Variants in CAPN9 observed in about 807,000 individuals in gnomAD.
CAPN9 encodes calpain 9.
A neutral mutation model predicts 92.8 loss-of-function variants in CAPN9; 81 were observed. The observed-to-expected ratio is 0.87, with a 90% CI of 0.73 to 1.05. The LOEUF (loss-of-function observed/expected upper bound fraction) is 1.05, where lower values mean the gene tolerates loss of function less well. CAPN9 is among the 50% of genes least tolerant of loss of function. The probability of loss-of-function intolerance (pLI) is 0.00; values close to 1 mark genes in which losing one functional copy is unlikely to be tolerated. For missense variants in CAPN9, 848 were observed against 866.2 expected (o/e 0.98, Z 0.26); for synonymous variants, 304 against 328.0 (o/e 0.93, Z 0.79).
chr1:230,773,135 G>A (rs558110999), intron 7 of CAPN9, among the ~76,000 whole-genome samples: 2 of 152,188 alleles, frequency 1.3e-5, no homozygotes, highest in African/African-American at 2.4e-5. Flanking sequence ...TGGTGCAGCC[G>A]CTGCTGTATT....
At chr1:230,769,977 C>T (rs4847017) in intron 6 of CAPN9, among the ~76,000 whole-genome samples, 41,582 of 151,932 alleles carry the variant, frequency 0.27, 6,151 homozygotes, top group Non-Finnish European at 0.34. Context: ...TGGTTCTTTA[C>T]GTTATCGATA....
intron 17 of CAPN9, among the ~76,000 whole-genome samples, chr1:230,794,158 G>T (rs1479017887): frequency 6.6e-6 from 1 of 152,114 alleles, no homozygotes; most frequent in Non-Finnish European, 1.5e-5. Flanking sequence ...ATGAAAGGGG[G>T]AAAGAAATCA....
chr1:230,775,635 C>T (rs2102883039), intron 8 of CAPN9, among the ~76,000 whole-genome samples: 1 of 152,132 alleles, frequency 6.6e-6, no homozygotes, highest in East Asian at 1.9e-4. Flanking sequence ...TAAAATACAA[C>T]AGCAGGGCAC....
chr1:230,772,088 G>C lies in CAPN9; in HGVS notation c.864G>C (p.Ser288=). 1 of 1,614,140 alleles carries C rather than the reference G, an allele frequency of 6.2e-7. No individual in the cohort carries two copies. Among genetic ancestry groups the C allele is most frequent in the Non-Finnish European group, 8.5e-7 (1 of 1,179,970 alleles). ...NPWGQVEWNG[S]WSDSSPEWRS... ...GGGGCCAGGTTGAGTGGAACGGGTC[G>C]TGGAGCGACAGGTCAGTCACCCTAT... The change falls in exon 7 of 20, where the codon TCG becomes TCC. Residue 288 remains serine, a synonymous_variant. Transcript: ENST00000271971.
chr1:230,778,060 G>A (rs1349209768), intron 8 of CAPN9, among the ~76,000 whole-genome samples: 2 of 152,062 alleles, frequency 1.3e-5, no homozygotes, highest in Non-Finnish European at 1.5e-5. Flanking sequence ...CTCCTTGAAT[G>A]TATAATAGAC....
intron 1 of CAPN9, among the ~76,000 whole-genome samples, chr1:230,750,803 C>T (rs1664712689): frequency 2.0e-5 from 3 of 150,468 alleles, no homozygotes; most frequent in Admixed American, 6.6e-5. Flanking sequence ...TCAAGGGAGC[C>T]CAGGGCAAGG....
chr1:230,777,066 G>C (rs1336691394), intron 8 of CAPN9: 2 of 152,206 alleles, frequency 1.3e-5, no homozygotes, highest in African/African-American at 4.8e-5. Flanking sequence ...TTACAAGAGA[G>C]GAGCAAAAAC....
At chr1:230,771,870 A>G in intron 6 of CAPN9, 144 bp from the exon 7 acceptor site, 3 of 661,166 alleles carry the variant, frequency 4.5e-6, no homozygotes, top group Admixed American at 2.5e-5. Context: ...GAACTTCTAC[A>G]TACCTTCAGC....
At chr1:230,768,894 C>T (rs1381715124) in intron 5 of CAPN9, among the ~76,000 whole-genome samples, 1 of 152,222 alleles carries the variant, frequency 6.6e-6, no homozygotes, top group African/African-American at 2.4e-5. Context: ...CACTATACTA[C>T]ATGAAGGTGA....
chr1:230,798,813 G>A (rs1668509701), intron 19 of CAPN9, among the ~76,000 whole-genome samples: 1 of 152,212 alleles, frequency 6.6e-6, no homozygotes, highest in Non-Finnish European at 1.5e-5. Context: ...CAGCAGCATA[G>A]GCATCACTTA....
chr1:230,747,961 C>A (rs531988380), intron 1 of CAPN9, among the ~76,000 whole-genome samples: 2 of 152,120 alleles, frequency 1.3e-5, no homozygotes, highest in Admixed American at 6.5e-5. Flanking sequence ...TGACTCCCAC[C>A]GAGGCTGAGG....
chr1:230,793,718 A>G (rs374403243), intron 17 of CAPN9, among the ~76,000 whole-genome samples: 6 of 152,262 alleles, frequency 3.9e-5, no homozygotes, highest in African/African-American at 1.2e-4. Flanking sequence ...AAAAGGATGA[A>G]GTATACACAG....
intron 8 of CAPN9, among the ~76,000 whole-genome samples, chr1:230,775,275 G>A (rs1052556192): frequency 5.9e-5 from 9 of 152,072 alleles, no homozygotes; most frequent in Admixed American, 1.3e-4. Flanking sequence ...TGAATTTGAA[G>A]ACAGGCAGCC....
chr1:230,778,995 G>A lies in CAPN9; in HGVS notation c.976G>A (p.Ala326Thr). ...CAGGATGGCATTTAAGGACTTCAAG[G>A]CCCACTTTGATAAAGTGGAGATCTG... ...EFWMAFKDFK[A>T]HFDKVEICNL... The change falls in exon 9 of 20, where the codon GCC becomes ACC. Residue 326 changes from alanine to threonine, a missense_variant. Physicochemically the swap from Ala to Thr is moderately conservative, Grantham distance 58 (BLOSUM62 0). Coordinates refer to ENST00000271971, the MANE Select transcript of CAPN9 (RefSeq NM_006615.3). The A allele has an allele frequency of 1.2e-6, 2 of 1,613,722 alleles. No individual in the cohort carries two copies. Among genetic ancestry groups the A allele is most frequent in the Non-Finnish European group, 1.7e-6 (2 of 1,179,904 alleles).
At chr1:230,755,598 A>C (rs1665173293) in intron 2 of CAPN9, among the ~76,000 whole-genome samples, 192 bp downstream of exon 2, 1 of 152,220 alleles carries the variant, frequency 6.6e-6, no homozygotes, top group Non-Finnish European at 1.5e-5. Context: ...GTTCCTCTAG[A>C]GTCAGACATG....
intron 5 of CAPN9, 115 bp from the exon 6 acceptor site, chr1:230,769,064 TG>T: frequency 2.5e-6 from 2 of 789,842 alleles, no homozygotes; most frequent in African/African-American, 1.7e-5. Context: ...GGCCTGCACC[TG>T]GGGCAGCAGA....
chr1:230,786,857 C>T (rs1369813608), intron 12 of CAPN9, among the ~76,000 whole-genome samples: 1 of 152,098 alleles, frequency 6.6e-6, no homozygotes, highest in East Asian at 1.9e-4. Context: ...TACATCTCCC[C>T]TATGTTATGT....
chr1:230,756,032 G>T (rs902411024), intron 2 of CAPN9, among the ~76,000 whole-genome samples: 2 of 151,964 alleles, frequency 1.3e-5, no homozygotes, highest in Admixed American at 1.3e-4. Context: ...CAACTGGGCT[G>T]GGTTTACCTT....
At chr1:230,787,737 G>T in intron 13 of CAPN9, 135 bp downstream of exon 13, 2 of 708,646 alleles carry the variant, frequency 2.8e-6, no homozygotes. Flanking sequence ...AGTAAGACCA[G>T]CACTGATCAT....
Sources: allele counts gnomAD v4.1 joint callset (sites outside exome capture counted in the v4.1 genomes callset), GRCh38; gene constraint gnomAD v4.1.1; transcripts MANE v1.5; gene names NCBI Gene and HGNC (gene_info 2026-07-23, HGNC 2026-07-21).